CTNNA2: variants seen among roughly 807,000 people sequenced by gnomAD.
CTNNA2 encodes catenin alpha-2.
Under a neutral mutation model 101.0 loss-of-function variants are expected in CTNNA2, and 42 were observed. The observed-to-expected ratio is 0.42, with a 90% CI of 0.32 to 0.54. The LOEUF is 0.54. Among genes scored for constraint, CTNNA2 ranks in the 20% least tolerant of loss-of-function variants. The pLI is 0.14. For synonymous variants in CTNNA2, 450 were observed against 456.4 expected (o/e 0.99, Z 0.18); for missense variants, 871 against 1,223.1 (o/e 0.71, Z 4.29).
intron 7 of CTNNA2, among the ~76,000 whole-genome samples, chr2:79,980,365 G>A (rs946273653): frequency 9.2e-5 from 14 of 152,030 alleles, no homozygotes; most frequent in Non-Finnish European, 1.6e-4. Context: ...TCTTTTGAAG[G>A]CTCAGAAAAG....
intron 7 of CTNNA2, among the ~76,000 whole-genome samples, chr2:80,172,351 A>G (rs1385598493): frequency 1.3e-5 from 2 of 152,194 alleles, no homozygotes; most frequent in Non-Finnish European, 2.9e-5. Context: ...GACAGGCTAT[A>G]CAGGTTCTAG....
In CTNNA2 at chr2:80,044,602, C is replaced by T. The variant is rs1258577087; in HGVS notation, c.1056+134805C>T. On this transcript the variant is annotated intron_variant, in intron 7 of 18. Transcript: ENST00000402739. ...CTCTCCCTCTCCTGGGGTGCATTCC[C>T]CAACTTCCCTACAGATTGATGTACC... Among the ~76,000 whole-genome samples, 4 of 152,096 alleles carry T rather than the reference C, an allele frequency of 2.6e-5. No individual in the cohort carries two copies. In the East Asian group the frequency reaches 7.7e-4, roughly 29 times the overall value.
intron 1 of CTNNA2, among the ~76,000 whole-genome samples, chr2:79,630,731 T>C (rs573641820): frequency 6.6e-6 from 1 of 152,338 alleles, no homozygotes; most frequent in Non-Finnish European, 1.5e-5. Context: ...CTTTTGCTCC[T>C]TTGGACATTA....
chr2:79,596,362 G>A (rs1275052503), intron 1 of CTNNA2, among the ~76,000 whole-genome samples: 2 of 152,144 alleles, frequency 1.3e-5, no homozygotes, highest in African/African-American at 4.8e-5. Flanking sequence ...GAAGAAGGAA[G>A]ACTGTAGGGA....
intron 3 of CTNNA2, among the ~76,000 whole-genome samples, chr2:79,810,059 A>G (rs530971887): frequency 1.3e-5 from 2 of 152,344 alleles, no homozygotes; most frequent in African/African-American, 2.4e-5. Flanking sequence ...ACAGGATCAA[A>G]TTCACAAGTA....
In CTNNA2 at chr2:79,943,561, C is replaced by A. The variant is rs551622655; in HGVS notation, c.1056+33764C>A. Among the ~76,000 whole-genome samples the A allele has an allele frequency of 9.0e-4, 137 of 152,238 alleles. 1 individual carries two copies. Among genetic ancestry groups the A allele is most frequent in the Middle Eastern group, 3.4e-3 (1 of 294 alleles). On this transcript the variant is annotated intron_variant, in intron 7 of 18. Transcript: ENST00000402739. ...TCAGACTTCTTATCCCCATTCCAGA[C>A]AGGAAAAGCAAGAGGACACTTGCCA...
At chr2:80,073,319 G>A (rs929416819) in intron 7 of CTNNA2, among the ~76,000 whole-genome samples, 35 of 152,164 alleles carry the variant, frequency 2.3e-4, no homozygotes, top group African/African-American at 8.2e-4. Flanking sequence ...GTGGAAGTCT[G>A]TCCTGAGGGT....
intron 6 of CTNNA2, among the ~76,000 whole-genome samples, chr2:79,892,351 T>A (rs1274911663): frequency 1.3e-5 from 2 of 152,046 alleles, no homozygotes; most frequent in Non-Finnish European, 1.5e-5. Context: ...AAACATTGTG[T>A]CCCTGCAAAT....
At chr2:80,620,132 G>T (rs941481701) in intron 18 of CTNNA2, among the ~76,000 whole-genome samples, 29 of 151,800 alleles carry the variant, frequency 1.9e-4, no homozygotes, top group African/African-American at 6.8e-4. Context: ...GCACTAGGGT[G>T]GGTGTTCTTA....
At chr2:80,065,002 T>A (rs1249772025) in intron 7 of CTNNA2, among the ~76,000 whole-genome samples, 1 of 152,210 alleles carries the variant, frequency 6.6e-6, no homozygotes, top group Non-Finnish European at 1.5e-5. Flanking sequence ...CTTTAATATA[T>A]AAATTAGTGC....
chr2:80,605,723 TAAGAGTC>T (rs1573434603), intron 16 of CTNNA2: 1 of 151,992 alleles, frequency 6.6e-6, no homozygotes, highest in Non-Finnish European at 1.5e-5. Context: ...GGATTGCACT[TAAGAGTC>T]AAGAGTCAAC....
chr2:80,581,458 C>A (rs1486598885), intron 13 of CTNNA2, among the ~76,000 whole-genome samples: 1 of 152,072 alleles, frequency 6.6e-6, no homozygotes, highest in Non-Finnish European at 1.5e-5. Context: ...TAGCATATCA[C>A]TGCAAGTTAG....
At chr2:79,502,882 T>G (rs1671334955) in intron 4 of CTNNA2, among the ~76,000 whole-genome samples, 1 of 152,222 alleles carries the variant, frequency 6.6e-6, no homozygotes, top group South Asian at 2.1e-4. Context: ...TGCAATTTCC[T>G]AGACTCTTTA....
At chr2:79,478,153 C>G (rs1052475914) in intron 4 of CTNNA2, among the ~76,000 whole-genome samples, 2 of 152,180 alleles carry the variant, frequency 1.3e-5, no homozygotes, top group African/African-American at 4.8e-5. Context: ...CTTCCTCCCC[C>G]ACTAAATTTC....
chr2:79,476,992 C>T (rs1250376409), intron 4 of CTNNA2, among the ~76,000 whole-genome samples: 1 of 152,120 alleles, frequency 6.6e-6, no homozygotes, highest in African/African-American at 2.4e-5. Flanking sequence ...TAATGCTAGA[C>T]TACTACCTTC....
chr2:80,318,157 A>G (rs1339828042), intron 7 of CTNNA2, among the ~76,000 whole-genome samples: 1 of 152,186 alleles, frequency 6.6e-6, no homozygotes, highest in East Asian at 1.9e-4. Context: ...GCTATATAAA[A>G]TATTTTAGAT....
chr2:80,081,038 G>A (rs1398220408), intron 7 of CTNNA2, among the ~76,000 whole-genome samples: 2 of 149,610 alleles, frequency 1.3e-5, no homozygotes, highest in Non-Finnish European at 2.9e-5. Flanking sequence ...TTATAGAAAT[G>A]CCGTTTGAGG....
chr2:79,727,949 T>C (rs1274447984), intron 2 of CTNNA2, among the ~76,000 whole-genome samples: 2 of 152,010 alleles, frequency 1.3e-5, no homozygotes, highest in African/African-American at 4.8e-5. Context: ...GGTGTTTATG[T>C]GCCACATTTT....
intron 7 of CTNNA2, among the ~76,000 whole-genome samples, chr2:80,147,962 T>C (rs1418532618): frequency 2.0e-5 from 3 of 152,226 alleles, no homozygotes; most frequent in Admixed American, 1.3e-4. Flanking sequence ...CTTTATTAAA[T>C]GTCTAACAGT....
Sources: gnomAD v4.1 joint callset for allele counts (sites outside exome capture counted in the v4.1 genomes callset) on GRCh38, gnomAD v4.1.1 for gene constraint, MANE v1.5 for transcripts, NCBI Gene and HGNC (gene_info 2026-07-23, HGNC 2026-07-21) for gene names.